Variants in MRPL13 observed in about 807,000 individuals in gnomAD.
MRPL13 encodes the protein large ribosomal subunit protein uL13m.
A neutral mutation model predicts 29.0 loss-of-function variants in MRPL13; 33 were observed. The ratio of observed to expected loss-of-function variants is 1.14; its 90% CI spans 0.86 to 1.52. The LOEUF (loss-of-function observed/expected upper bound fraction) is 1.52. MRPL13 is among the 40% of genes most tolerant of loss of function. The probability of loss-of-function intolerance (pLI) is 0.00; values close to 1 mark genes in which losing one functional copy is unlikely to be tolerated. For missense variants in MRPL13, 227 were observed against 216.7 expected (o/e 1.05, Z -0.30); for synonymous variants, 77 against 68.4 (o/e 1.13, Z -0.62).
intron 5 of MRPL13, 25 bp from the exon 6 acceptor site, chr8:120,414,137 T>A: frequency 6.9e-7 from 1 of 1,439,888 alleles, no homozygotes; most frequent in Non-Finnish European, 9.2e-7. Context: ...AATTTAGACT[T>A]AATTTTCTTA....
In MRPL13 at chr8:120,396,074, T is replaced by C. The variant is rs1812519304; in HGVS notation, c.*30A>G. The C allele has an allele frequency of 6.4e-7, 1 of 1,568,228 alleles. No homozygotes were observed. Among genetic ancestry groups the C allele is most frequent in the South Asian group, 1.2e-5 (1 of 86,188 alleles). ...TCATCAGAAGAAAGTTTCAATCACT[T>C]CACTGTTATTTTCTGCAATTCTTAT... On this transcript the variant is annotated 3_prime_UTR_variant, in exon 7 of 7. Coordinates refer to ENST00000306185, the MANE Select transcript of MRPL13 (RefSeq NM_014078.6).
intron 6 of MRPL13, among the ~76,000 whole-genome samples, chr8:120,406,167 A>C (rs1001323473): frequency 2.6e-5 from 4 of 152,200 alleles, no homozygotes; most frequent in Admixed American, 2.0e-4. Flanking sequence ...TTTTTTTCAT[A>C]TAAATTATAC....
chr8:120,396,011 T>C lies in MRPL13; in HGVS notation c.*93A>G, dbSNP rs1007228963. The C allele has an allele frequency of 1.9e-6, 2 of 1,040,518 alleles. No individual in the cohort carries two copies. The highest frequency in any genetic ancestry group is 1.6e-5 in the African/African-American group (1 of 62,400). The allele number at this position is 1,040,518 out of a possible 1,614,324, so 64.5% of individuals were successfully genotyped here. On this transcript the variant is annotated 3_prime_UTR_variant, in exon 7 of 7. Coordinates refer to ENST00000306185, the MANE Select transcript of MRPL13 (RefSeq NM_014078.6). ...GGCACATAAAACAGGTGCTGAACTG[T>C]AGCAGTTGTTTTACTCCATCCTGTA...
Position 120,401,285 on chromosome 8 carries a change from A to G in MRPL13, c.516-5160T>C, listed in dbSNP as rs192469672. Among the ~76,000 whole-genome samples the G allele has an allele frequency of 1.1e-3, 161 of 152,364 alleles. 4 individuals carry two copies. In the East Asian group the frequency reaches 0.024, roughly 23 times the overall value. ...ACTGGCAAACTGAATCCAGCAGCAC[A>G]TCAAAAAGCTTATCCACCACAATCA... On this transcript the variant is annotated intron_variant, in intron 6 of 6. Transcript: ENST00000306185.
intron 5 of MRPL13, chr8:120,416,117 A>T (rs1311582963): frequency 6.6e-6 from 1 of 152,244 alleles, no homozygotes; most frequent in Non-Finnish European, 1.5e-5. Flanking sequence ...ACATGAAACC[A>T]GGAAGAGGGA....
chr8:120,402,308 G>A (rs966974468), intron 6 of MRPL13, among the ~76,000 whole-genome samples: 12 of 152,106 alleles, frequency 7.9e-5, no homozygotes, highest in African/African-American at 2.9e-4. Flanking sequence ...CAGACACATA[G>A]ACCAATGGAA....
chr8:120,412,060 A>G (rs548880041), intron 6 of MRPL13, among the ~76,000 whole-genome samples: 2 of 152,292 alleles, frequency 1.3e-5, no homozygotes, highest in South Asian at 4.1e-4. Flanking sequence ...ATATGACTTC[A>G]AGTGTATAAT....
intron 1 of MRPL13, among the ~76,000 whole-genome samples, chr8:120,444,327 T>A (rs569008479): frequency 6.6e-6 from 1 of 152,262 alleles, no homozygotes; most frequent in African/African-American, 2.4e-5. Context: ...TAGACCGATA[T>A]AACCCAAACT....
At position 120,395,681 on chromosome 8, in the gene MRPL13, A is replaced by T. The variant is rs555957670; in HGVS notation, c.*423T>A. The T allele has an allele frequency of 8.3e-5, 13 of 155,934 alleles. No homozygotes were observed. The highest frequency in any genetic ancestry group is 8.0e-4 in the South Asian group (4 of 5,024). The allele number at this position is 155,934 out of a possible 1,614,324, so 9.7% of individuals were successfully genotyped here. A position where few individuals can be genotyped will look rare whatever the true frequency, so the allele number is the denominator to read the frequency against. On this transcript the variant is annotated 3_prime_UTR_variant, in exon 7 of 7. Transcript: ENST00000306185. ...AATTTAGATGGATGACAAGTTAGAT[A>T]AAAAAAGCCACTGAAATGAAAAGTG...
chr8:120,417,180 T>C (rs1812813780), intron 5 of MRPL13, among the ~76,000 whole-genome samples: 2 of 152,326 alleles, frequency 1.3e-5, no homozygotes, highest in Middle Eastern at 6.8e-3. Context: ...ATAGTTTATG[T>C]TGAGTGTTCA....
In MRPL13 at chr8:120,432,114, CCA is replaced by C; in HGVS notation, c.159_160del (p.Cys53TrpfsTer35). ...TGTGTTCATTATAACAACATGATCC[CCA>C]CAGTCACCTACATTTTAAAAAGAAA... On this transcript the variant is annotated frameshift_variant, in exon 3 of 7. Coordinates refer to ENST00000306185, the MANE Select transcript of MRPL13 (RefSeq NM_014078.6). LOFTEE classifies it high-confidence loss of function. 1 of 1,580,462 alleles carries C rather than the reference CCA, an allele frequency of 6.3e-7. No individual in the cohort carries two copies. The highest frequency in any genetic ancestry group is 8.6e-7 in the Non-Finnish European group (1 of 1,166,574).
At chr8:120,434,943 C>T (rs1813036153) in intron 2 of MRPL13, among the ~76,000 whole-genome samples, 2 of 152,122 alleles carry the variant, frequency 1.3e-5, no homozygotes. Flanking sequence ...ATAGATCCCT[C>T]ACATAGAGTT....
At chr8:120,428,969 A>G (rs1034427980) in intron 3 of MRPL13, among the ~76,000 whole-genome samples, 6 of 152,152 alleles carry the variant, frequency 3.9e-5, no homozygotes, top group African/African-American at 1.4e-4. Flanking sequence ...CAGAAATACC[A>G]TTTGACCCAG....
intron 2 of MRPL13, 68 bp from the exon 3 acceptor site, chr8:120,432,191 AT>A: frequency 8.3e-7 from 1 of 1,202,638 alleles, no homozygotes. Context: ...GGCCTTGGTT[AT>A]TTATAAAGCT....
intron 6 of MRPL13, among the ~76,000 whole-genome samples, chr8:120,404,539 A>G (rs1315402936): frequency 6.6e-6 from 1 of 152,214 alleles, no homozygotes; most frequent in Non-Finnish European, 1.5e-5. Context: ...TTTCTAACAC[A>G]GACTGGGCTC....
chr8:120,431,987 A>G (rs1323079673), intron 3 of MRPL13, 43 bp downstream of exon 3: 3 of 1,335,798 alleles, frequency 2.2e-6, no homozygotes, highest in Non-Finnish European at 3.1e-6. Context: ...TTAAAGTAAT[A>G]TATTTTAACT....
chr8:120,430,460 G>A (rs1405718086), intron 3 of MRPL13, among the ~76,000 whole-genome samples: 2 of 152,090 alleles, frequency 1.3e-5, no homozygotes, highest in Non-Finnish European at 2.9e-5. Context: ...ATATGTAATT[G>A]TAATACAGTG....
At chr8:120,407,070 C>T (rs550030934) in intron 6 of MRPL13, among the ~76,000 whole-genome samples, 5 of 152,256 alleles carry the variant, frequency 3.3e-5, no homozygotes, top group African/African-American at 1.2e-4. Flanking sequence ...CCATACGCAT[C>T]CCTATGCAAA....
At chr8:120,439,569 A>G (rs1363171643) in intron 2 of MRPL13, among the ~76,000 whole-genome samples, 3 of 152,244 alleles carry the variant, frequency 2.0e-5, no homozygotes, top group Non-Finnish European at 4.4e-5. Flanking sequence ...TGTTCACAGG[A>G]TAACTACAGG....
Sources: gnomAD v4.1 joint callset for allele counts (sites outside exome capture counted in the v4.1 genomes callset) on GRCh38, gnomAD v4.1.1 for gene constraint, MANE v1.5 for transcripts, NCBI Gene and HGNC (gene_info 2026-07-23, HGNC 2026-07-21) for gene names.